The following PRKG1 variants were observed in gnomAD, a reference collection of about 807,000 sequenced individuals.
PRKG1 encodes protein kinase cGMP-dependent 1, also known as cGMP-dependent protein kinase 1.
Under a neutral mutation model 88.1 loss-of-function variants are expected in PRKG1, and 35 were observed. The ratio of observed to expected loss-of-function variants is 0.40; its 90% CI spans 0.30 to 0.53. The LOEUF is 0.53. Among genes scored for constraint, PRKG1 ranks in the 20% least tolerant of loss-of-function variants. The pLI, the probability that PRKG1 is intolerant of heterozygous loss-of-function variation, is 0.59. For synonymous variants in PRKG1, 303 were observed against 292.5 expected (o/e 1.04, Z -0.37); for missense variants, 540 against 839.8 (o/e 0.64, Z 4.41).
chr10:52,171,786 A>ATT (rs545195374), intron 9 of PRKG1, among the ~76,000 whole-genome samples: 1,577 of 93,824 alleles, frequency 0.017, 131 homozygotes, highest in South Asian at 0.046. Context: ...TTTTATCAAA[A>ATT]TTTTTTTTTT....
At chr10:51,343,565 T>TA (rs1842047859) in intron 2 of PRKG1, among the ~76,000 whole-genome samples, 1 of 152,108 alleles carries the variant, frequency 6.6e-6, no homozygotes, top group Non-Finnish European at 1.5e-5. Flanking sequence ...TATAATAACA[T>TA]AATTTGGTAG....
chr10:52,081,941 C>T (rs1846786374), intron 7 of PRKG1, among the ~76,000 whole-genome samples: 1 of 151,986 alleles, frequency 6.6e-6, no homozygotes, highest in African/African-American at 2.4e-5. Context: ...CCGTATTAGT[C>T]CATTCTCATG....
intron 6 of PRKG1, among the ~76,000 whole-genome samples, chr10:52,056,597 G>A (rs1403297864): frequency 6.6e-6 from 1 of 152,100 alleles, no homozygotes; most frequent in African/African-American, 2.4e-5. Context: ...GCACTCTGGG[G>A]ATTCTGGGAG....
intron 5 of PRKG1, among the ~76,000 whole-genome samples, chr10:51,911,377 C>G (rs201549869): frequency 6.7e-6 from 1 of 149,484 alleles, no homozygotes; most frequent in African/African-American, 2.4e-5. Context: ...TAATCATTGT[C>G]TTTCTTTTCC....
rs932899020 is a variant in PRKG1 at position 52,105,106 on chromosome 10, T to C, written c.936-28734T>C. Among the ~76,000 whole-genome samples the C allele has an allele frequency of 2.7e-5, 4 of 150,632 alleles. No homozygotes were observed. In the Admixed American group the frequency reaches 2.7e-4, roughly 10 times the overall value. On this transcript the variant is annotated intron_variant, in intron 7 of 17. Transcript: ENST00000373980. ...GAAGCCTTTTCTCATTCATAGTTTCTTAAAATCTTAAAAGGAAGAACTTAC... is the reference window on the plus strand; with the variant it reads ...GAAGCCTTTTCTCATTCATAGTTTCCTAAAATCTTAAAAGGAAGAACTTAC...
At chr10:52,254,667 C>T (rs1841265442) in intron 10 of PRKG1, among the ~76,000 whole-genome samples, 1 of 151,920 alleles carries the variant, frequency 6.6e-6, no homozygotes, top group Non-Finnish European at 1.5e-5. Flanking sequence ...TAGTTACACC[C>T]TTCACAGACT....
intron 2 of PRKG1, among the ~76,000 whole-genome samples, chr10:51,233,900 T>C (rs533672346): frequency 6.6e-6 from 1 of 152,290 alleles, no homozygotes; most frequent in Non-Finnish European, 1.5e-5. Context: ...TCAGGTGTCT[T>C]GTTACATTCT....
chr10:51,323,439 G>A (rs1253650699), intron 2 of PRKG1, among the ~76,000 whole-genome samples: 1 of 152,092 alleles, frequency 6.6e-6, no homozygotes, highest in Non-Finnish European at 1.5e-5. Flanking sequence ...ATAATTTCCA[G>A]CTGAGTAATC....
chr10:51,111,973 A>G (rs2879544), intron 1 of PRKG1, among the ~76,000 whole-genome samples: 45,396 of 152,088 alleles, frequency 0.3, 7,082 homozygotes, highest in African/African-American at 0.38. Context: ...CACCACCTAC[A>G]GAGCCTATCT....
chr10:51,071,433 C>T (rs547875765), upstream of PRKG1, among the ~76,000 whole-genome samples: 1 of 152,268 alleles, frequency 6.6e-6, no homozygotes, highest in East Asian at 1.9e-4. Context: ...CCTGAGATAA[C>T]TAAATATATT....
chr10:51,139,149 T>G (rs911683836), intron 1 of PRKG1, among the ~76,000 whole-genome samples: 21 of 152,226 alleles, frequency 1.4e-4, no homozygotes, highest in African/African-American at 4.6e-4. Flanking sequence ...TGGGTAAGTC[T>G]GCTTTCTAGC....
intron 3 of PRKG1, among the ~76,000 whole-genome samples, chr10:51,616,151 G>A (rs544417137): frequency 5.5e-4 from 84 of 152,286 alleles, no homozygotes; most frequent in African/African-American, 1.7e-3. Flanking sequence ...AAGGTTTTGC[G>A]GGGGACTTGA....
At position 52,116,411 on chromosome 10, in the gene PRKG1, C is replaced by T. The variant is rs151011738; in HGVS notation, c.936-17429C>T. On this transcript the variant is annotated intron_variant, in intron 7 of 17. Coordinates refer to ENST00000373980, the MANE Select transcript of PRKG1 (RefSeq NM_006258.4). Reference sequence around the variant, plus strand: ...TACTCTATTACATGAATGAATGAGCCGATGTTATTCTATTCTGTATTATAG... The same window carrying T: ...TACTCTATTACATGAATGAATGAGCTGATGTTATTCTATTCTGTATTATAG... Among the ~76,000 whole-genome samples, 318 of 152,026 alleles carry T rather than the reference C, an allele frequency of 2.1e-3. 6 individuals carry two copies. The East Asian group carries it at 0.037, about 18-fold the overall frequency.
chr10:52,135,008 C>A (rs1367804472), intron 8 of PRKG1, among the ~76,000 whole-genome samples: 1 of 152,092 alleles, frequency 6.6e-6, no homozygotes, highest in Non-Finnish European at 1.5e-5. Flanking sequence ...ATGTGCAAAG[C>A]ATTGTCCTGG....
chr10:52,082,372 C>T, intron 7 of PRKG1, among the ~76,000 whole-genome samples: 1 of 152,112 alleles, frequency 6.6e-6, no homozygotes, highest in East Asian at 1.9e-4. Context: ...CTAGAAGGCC[C>T]TTTAACATAC....
At chr10:51,025,509 A>T (rs946916589) in intron 1 of PRKG1, among the ~76,000 whole-genome samples, 7 of 152,042 alleles carry the variant, frequency 4.6e-5, no homozygotes, top group African/African-American at 1.7e-4. Context: ...GAAGCTCCTT[A>T]AGGACCTCTC....
chr10:51,993,035 A>T (rs943052146), intron 5 of PRKG1, among the ~76,000 whole-genome samples: 1 of 152,146 alleles, frequency 6.6e-6, no homozygotes, highest in Non-Finnish European at 1.5e-5. Flanking sequence ...GGCATTCTTT[A>T]TAGTTGCCAT....
intron 2 of PRKG1, among the ~76,000 whole-genome samples, chr10:51,288,211 A>C (rs1403615831): frequency 1.3e-5 from 2 of 152,038 alleles, no homozygotes; most frequent in African/African-American, 4.8e-5. Flanking sequence ...TTACATATGT[A>C]TACATGTGCC....
chr10:51,864,310 C>G (rs930370130), intron 4 of PRKG1, among the ~76,000 whole-genome samples: 4 of 152,226 alleles, frequency 2.6e-5, no homozygotes, highest in African/African-American at 9.6e-5. Context: ...ATCAGAGTAG[C>G]TGGAGCTCTG....
Sources: allele counts gnomAD v4.1 joint callset (sites outside exome capture counted in the v4.1 genomes callset), GRCh38; gene constraint gnomAD v4.1.1; transcripts MANE v1.5; gene names NCBI Gene and HGNC (gene_info 2026-07-23, HGNC 2026-07-21).